PTPRS: variants seen among roughly 807,000 people sequenced by gnomAD.
PTPRS encodes the protein receptor-type tyrosine-protein phosphatase S.
Under a neutral mutation model 215.3 loss-of-function variants are expected in PTPRS, and 63 were observed. The observed-to-expected ratio is 0.29, with a 90% CI of 0.24 to 0.36. The LOEUF (loss-of-function observed/expected upper bound fraction) is 0.36, where lower values mean the gene tolerates loss of function less well. PTPRS is among the 10% of genes least tolerant of loss of function. PTPRS has a pLI of 1.00. For missense variants in PTPRS, 2,258 were observed against 2,825.8 expected, an observed-to-expected ratio of 0.80 and a Z score of 4.56; for synonymous variants, 1,404 against 1,191.4, an observed-to-expected ratio of 1.18 and a Z score of -3.68.
rs376514144 is a variant in PTPRS at position 5,240,304 on chromosome 19, G to A, written c.1599C>T (p.Ala533=). Reference sequence around the variant, plus strand: ...TGATGCTGGTCTCCGACCTGGCCTCGGCCCGCAGGTTCATGGGCTGGCCCG... The same window carrying A: ...TGATGCTGGTCTCCGACCTGGCCTCAGCCCGCAGGTTCATGGGCTGGCCCG... The part of the protein sequence containing the change: ...GVPGQPMNLR[A]EARSETSITL... Residue 533 remains alanine (A), a synonymous_variant, in exon 12 of 38, where the codon GCC becomes GCT. Coordinates refer to ENST00000262963, the MANE Select transcript of PTPRS (RefSeq NM_002850.4). 3.7e-5 allele frequency: 60 copies of A among 1,603,938 alleles called. No individual in the cohort carries two copies. In the African/African-American group the frequency reaches 4.0e-4, roughly 11 times the overall value.
chr19:5,280,613 T>C (rs2047765259), intron 2 of PTPRS, among the ~76,000 whole-genome samples: 1 of 151,896 alleles, frequency 6.6e-6, no homozygotes, highest in Admixed American at 6.6e-5. Flanking sequence ...CCCAGCTACT[T>C]GGGAGGCTGA....
intron 1 of PTPRS, among the ~76,000 whole-genome samples, chr19:5,303,589 G>A (rs1467177689): frequency 1.3e-5 from 2 of 151,982 alleles, no homozygotes; most frequent in Non-Finnish European, 2.9e-5. Context: ...AAGAGAGGGG[G>A]ACTGGTGCAG....
rs965855970 is a variant in PTPRS at position 5,237,428 on chromosome 19, G to A, written c.1849+1491C>T. 2.6e-5 allele frequency among the ~76,000 whole-genome samples: 4 copies of A among 152,224 alleles called. No homozygotes were observed. The highest frequency in any genetic ancestry group is 5.9e-5 in the Non-Finnish European group (4 of 68,028). ...CCGCCCCGGAGGTTCGCGTGGCTGGGCCGAAGCCGCTTTCTAGGTGACCGT... is the reference window on the plus strand; with the variant it reads ...CCGCCCCGGAGGTTCGCGTGGCTGGACCGAAGCCGCTTTCTAGGTGACCGT... On this transcript the variant is annotated intron_variant, in intron 13 of 37. Coordinates refer to ENST00000262963, the MANE Select transcript of PTPRS (RefSeq NM_002850.4). The surrounding 1 kb of genome is among the most constrained non-coding windows in gnomAD (Gnocchi z 4.2).
At position 5,238,974 on chromosome 19, in the gene PTPRS, C is replaced by T. The variant is rs748220430; in HGVS notation, c.1794G>A (p.Ser598=). 16 of 1,612,708 alleles carry T rather than the reference C, an allele frequency of 9.9e-6. No individual in the cohort carries two copies. Among genetic ancestry groups the T allele is most frequent in the Middle Eastern group, 1.6e-4 (1 of 6,082 alleles). The change falls in exon 13 of 38, where the codon TCG becomes TCA. Residue 598 remains serine (S), a synonymous_variant. Coordinates refer to ENST00000262963, the MANE Select transcript of PTPRS (RefSeq NM_002850.4). ...GGGTGAAGGCGCCCAGGCCCTGCGG[C>T]GAGCGGGCCGCCAGGCGGAAGGCGT... is the stretch of plus-strand genomic sequence containing the variant. The part of the protein sequence containing the change: ...TEYAFRLAAR[S]PQGLGAFTPV...
In PTPRS at chr19:5,257,267, G is replaced by A. The variant is rs953350019; in HGVS notation, c.706+750C>T. Among the ~76,000 whole-genome samples, 1 of 150,850 alleles carries A rather than the reference G, an allele frequency of 6.6e-6. No homozygotes were observed. Among genetic ancestry groups the A allele is most frequent in the Non-Finnish European group, 1.5e-5 (1 of 67,626 alleles). On this transcript the variant is annotated intron_variant, in intron 8 of 37. Transcript: ENST00000262963. The surrounding 1 kb of genome is among the most constrained non-coding windows in gnomAD (Gnocchi z 4.4). Reference sequence around the variant, plus strand: ...GGCAGGGGAGCGGGGAGGTGCTGGGGCGAGGCCCCCACGCTGCTGGGCATG... The same window carrying A: ...GGCAGGGGAGCGGGGAGGTGCTGGGACGAGGCCCCCACGCTGCTGGGCATG...
intron 35 of PTPRS, among the ~76,000 whole-genome samples, chr19:5,209,834 G>C (rs1396839822): frequency 2.0e-5 from 3 of 152,146 alleles, no homozygotes; most frequent in African/African-American, 7.2e-5. Flanking sequence ...GGTGATTGCT[G>C]TTCATTCAGC....
chr19:5,239,103 G>A (rs753830524), intron 12 of PTPRS, 40 bp from the exon 13 acceptor site: 5 of 1,459,698 alleles, frequency 3.4e-6, no homozygotes, highest in Admixed American at 3.7e-5. Flanking sequence ...GGATGGGGGA[G>A]AGAGAGAGAG....
intron 1 of PTPRS, among the ~76,000 whole-genome samples, chr19:5,326,970 G>A (rs1249792229): frequency 2.0e-5 from 3 of 152,164 alleles, no homozygotes; most frequent in Non-Finnish European, 4.4e-5. Flanking sequence ...CACAGACCTA[G>A]AGAGTCACAA....
intron 1 of PTPRS, among the ~76,000 whole-genome samples, chr19:5,319,622 C>CATG (rs1248700676): frequency 6.6e-6 from 1 of 151,918 alleles, no homozygotes; most frequent in Non-Finnish European, 1.5e-5. Flanking sequence ...CAAGACCCTA[C>CATG]ATGACCTATT....
chr19:5,230,662 T>C (rs1252127091), intron 14 of PTPRS, among the ~76,000 whole-genome samples: 1 of 152,212 alleles, frequency 6.6e-6, no homozygotes, highest in Non-Finnish European at 1.5e-5. Context: ...GGTCTCACTA[T>C]GTTGCCTAGG....
At chr19:5,337,556 C>T (rs1054766232) in intron 1 of PTPRS, among the ~76,000 whole-genome samples, 2 of 152,210 alleles carry the variant, frequency 1.3e-5, no homozygotes, top group African/African-American at 4.8e-5. Context: ...ACGCCAACCC[C>T]GAAGGCAGAA....
intron 2 of PTPRS, among the ~76,000 whole-genome samples, chr19:5,275,848 A>G (rs1267977694): frequency 1.3e-5 from 2 of 149,860 alleles, no homozygotes; most frequent in Non-Finnish European, 3.0e-5. Flanking sequence ...GGGTCTCACT[A>G]TGTTGCCCAG....
intron 25 of PTPRS, among the ~76,000 whole-genome samples, chr19:5,217,468 G>A (rs2041584795): frequency 6.6e-6 from 1 of 152,054 alleles, no homozygotes; most frequent in Non-Finnish European, 1.5e-5. Flanking sequence ...GAGGACAGCA[G>A]CCATCAGTTA....
rs116766456 is a variant in PTPRS at position 5,215,314 on chromosome 19, G to C, written c.4293C>G (p.Ser1431=). 2.4e-5 allele frequency: 38 copies of C among 1,614,150 alleles called. No individual in the cohort carries two copies. The African/African-American group carries it at 4.3e-4, about 18-fold the overall frequency. ...CTTCAATGGGCTGGAGGATGACACG[G>C]GAGTGGTCATAGGCGATGACGTTGG... ...RYANVIAYDH[S]RVILQPIEGI... The change falls in exon 28 of 38, where the codon TCC becomes TCG. Residue 1431 remains serine, a synonymous_variant. Transcript: ENST00000262963.
intron 17 of PTPRS, among the ~76,000 whole-genome samples, chr19:5,224,957 G>C (rs887087147): frequency 6.6e-6 from 1 of 152,070 alleles, no homozygotes; most frequent in Admixed American, 6.5e-5. Flanking sequence ...GAAGTCAGTC[G>C]ATTGTTCCTG....
At chr19:5,232,656 C>T in intron 13 of PTPRS, among the ~76,000 whole-genome samples, 1 of 150,006 alleles carries the variant, frequency 6.7e-6, no homozygotes, top group South Asian at 2.1e-4. Context: ...GGCATCATGC[C>T]AAGGGGAATG....
intron 22 of PTPRS, 120 bp downstream of exon 22, chr19:5,219,819 G>A: frequency 8.5e-7 from 1 of 1,180,846 alleles, no homozygotes; most frequent in Non-Finnish European, 1.2e-6. Flanking sequence ...CTTCCCCTCT[G>A]CCCAGCTCTG....
Position 5,221,855 on chromosome 19 carries a change from C to A in PTPRS, c.3201+268G>T, listed in dbSNP as rs562713621. Among the ~76,000 whole-genome samples the A allele has an allele frequency of 6.6e-5, 10 of 152,306 alleles. No individual in the cohort carries two copies. In the East Asian group the frequency reaches 1.7e-3, roughly 26 times the overall value. ...GACTAAATCTTAATCCCAGACTGAA[C>A]CTCAATCCCAGCTAAGCCACAATCC... is the stretch of plus-strand genomic sequence containing the variant. On this transcript the variant is annotated intron_variant, in intron 19 of 37. Coordinates refer to ENST00000262963, the MANE Select transcript of PTPRS (RefSeq NM_002850.4).
At chr19:5,211,539 T>C (rs1568365333) in intron 33 of PTPRS, 51 bp downstream of exon 33, 1 of 1,559,368 alleles carries the variant, frequency 6.4e-7, no homozygotes, top group Non-Finnish European at 8.8e-7. Context: ...CTCTTGAGAG[T>C]AGAGATGGGC....
Sources: gnomAD v4.1 joint callset for allele counts (sites outside exome capture counted in the v4.1 genomes callset) on GRCh38, gnomAD v4.1.1 for gene constraint, Gnocchi (gnomAD v3.1) non-coding constraint, MANE v1.5 for transcripts, NCBI Gene and HGNC (gene_info 2026-07-23, HGNC 2026-07-21) for gene names.